FAM117B: variants seen among roughly 807,000 people sequenced by gnomAD.
FAM117B encodes the protein protein FAM117B.
FAM117B carries 22 observed loss-of-function variants against 52.8 expected under a neutral mutation model. That is an observed-to-expected ratio of 0.42 (90% confidence interval 0.30 to 0.59). FAM117B has a LOEUF of 0.59. FAM117B is among the 20% of genes least tolerant of loss of function. FAM117B has a pLI of 0.22. For missense variants in FAM117B, 678 were observed against 802.6 expected (o/e 0.84, Z 1.88); for synonymous variants, 309 against 324.1 (o/e 0.95, Z 0.50).
chr2:202,760,846 AT>A (rs1402446592), intron 7 of FAM117B, among the ~76,000 whole-genome samples: 1 of 152,146 alleles, frequency 6.6e-6, no homozygotes, highest in East Asian at 1.9e-4. Context: ...AAATGGGCTC[AT>A]TCTATTAGGT....
Position 202,751,443 on chromosome 2 carries a change from A to G in FAM117B, c.961-4095A>G, listed in dbSNP as rs570257146. Among the ~76,000 whole-genome samples, 5 of 152,320 alleles carry G rather than the reference A, an allele frequency of 3.3e-5. No homozygotes were observed. In the East Asian group the frequency reaches 9.7e-4, roughly 29 times the overall value. On this transcript the variant is annotated intron_variant, in intron 4 of 7. Coordinates refer to ENST00000392238, the MANE Select transcript of FAM117B (RefSeq NM_173511.4). ...CAAATGAACTAGACTAAGAGAATAGATCTATGGATATGGCTAAGATCTTCC... is the reference window on the plus strand; with the variant it reads ...CAAATGAACTAGACTAAGAGAATAGGTCTATGGATATGGCTAAGATCTTCC...
chr2:202,734,983 C>G (rs1691417073), intron 4 of FAM117B, among the ~76,000 whole-genome samples: 1 of 152,058 alleles, frequency 6.6e-6, no homozygotes, highest in African/African-American at 2.4e-5. Flanking sequence ...GTATCTTTCT[C>G]CCCTATTGCT....
chr2:202,746,942 C>T (rs572990949), intron 4 of FAM117B, among the ~76,000 whole-genome samples: 12 of 133,678 alleles, frequency 9.0e-5, no homozygotes, highest in Middle Eastern at 3.9e-3. Context: ...ACAACAGCCA[C>T]CACCGGAAAA....
intron 1 of FAM117B, among the ~76,000 whole-genome samples, chr2:202,645,349 C>T (rs192834912): frequency 0.018 from 2,702 of 146,520 alleles, 33 homozygotes; most frequent in Middle Eastern, 0.04. Context: ...AGTGCAGTGG[C>T]GAGATCTCGG....
intron 1 of FAM117B, among the ~76,000 whole-genome samples, chr2:202,648,688 T>A (rs1281109174): frequency 6.6e-6 from 1 of 152,082 alleles, no homozygotes; most frequent in Non-Finnish European, 1.5e-5. Context: ...TGATGCTAGG[T>A]TGAATATTCT....
At chr2:202,651,981 A>C (rs1689964672) in intron 1 of FAM117B, among the ~76,000 whole-genome samples, 1 of 145,534 alleles carries the variant, frequency 6.9e-6, no homozygotes, top group South Asian at 2.2e-4. Context: ...TGAACCTGGG[A>C]GGCAGGGTTT....
rs61124637 is a variant in FAM117B, at chr2:202,680,420, TTAAA to T, written c.602-15460_602-15457del. ...TGTACCCTAAAACTTAAAGTATAAT[TTAAA>T]AAAGTCTGAAGAAATAATGACTGAA... On this transcript the variant is annotated intron_variant, in intron 1 of 7. Coordinates refer to ENST00000392238, the MANE Select transcript of FAM117B (RefSeq NM_173511.4). 4.8e-3 allele frequency among the ~76,000 whole-genome samples: 728 copies of T among 152,046 alleles called. 6 individuals carry two copies. Among genetic ancestry groups the T allele is most frequent in the African/African-American group, 0.017 (689 of 41,488 alleles).
Position 202,755,558 on chromosome 2 carries a change from A to G in FAM117B, c.981A>G (p.Ala327=). 1 of 1,614,102 alleles carries G rather than the reference A, an allele frequency of 6.2e-7. No individual in the cohort carries two copies. Among genetic ancestry groups the G allele is most frequent in the South Asian group, 1.1e-5 (1 of 91,068 alleles). Residue 327 remains alanine, a synonymous_variant, in exon 5 of 8, where the codon GCA becomes GCG. Transcript: ENST00000392238. ...NQCQAPVPKS[A]LIPVIPITKS... ...TTAAGGCTCCTGTTCCAAAGAGTGC[A>G]CTTATTCCTGTAATTCCCATCACCA...
intron 2 of FAM117B, 27 bp from the exon 3 acceptor site, chr2:202,724,890 T>C (rs1034299752): frequency 1.3e-6 from 2 of 1,542,384 alleles, no homozygotes; most frequent in Non-Finnish European, 8.8e-7. Context: ...TTTTGTTAAA[T>C]ACACCTCCCC....
At chr2:202,651,416 A>G (rs1419594187) in intron 1 of FAM117B, among the ~76,000 whole-genome samples, 6 of 148,716 alleles carry the variant, frequency 4.0e-5, no homozygotes. Context: ...CTTGTTGCCC[A>G]GGTTGGAGTG....
At chr2:202,728,246 C>G (rs1289802193) in intron 4 of FAM117B, among the ~76,000 whole-genome samples, 2 of 152,116 alleles carry the variant, frequency 1.3e-5, no homozygotes, top group African/African-American at 4.8e-5. Context: ...ACCTTAGCCT[C>G]TCAAAGTGTT....
chr2:202,688,750 G>A (rs897144100), intron 1 of FAM117B, among the ~76,000 whole-genome samples: 14 of 152,264 alleles, frequency 9.2e-5, no homozygotes, highest in Middle Eastern at 3.4e-3. Context: ...GGGTACCCTT[G>A]TGATGTTATA....
chr2:202,721,642 C>CT (rs1019530129), intron 2 of FAM117B, among the ~76,000 whole-genome samples: 12 of 150,736 alleles, frequency 8.0e-5, no homozygotes, highest in African/African-American at 2.2e-4. Context: ...GACATTATTC[C>CT]TTTTTTTTTG....
chr2:202,671,010 TTCTC>T (rs1381677724), intron 1 of FAM117B, among the ~76,000 whole-genome samples: 2 of 152,186 alleles, frequency 1.3e-5, no homozygotes, highest in African/African-American at 4.8e-5. Context: ...GTGTTGATCT[TTCTC>T]CTTATTTCTA....
In FAM117B at chr2:202,726,295, C is replaced by T. The variant is rs778395003; in HGVS notation, c.892C>T (p.Arg298Trp). Residue 298 changes from arginine to tryptophan, a missense_variant, in exon 4 of 8, where the codon CGG becomes TGG. By Grantham distance (101) the Arg-to-Trp change is moderately radical. This residue lies in a region of FAM117B where 583 missense variants were observed against 644.8 expected (regional missense o/e 0.90). Coordinates refer to ENST00000392238, the MANE Select transcript of FAM117B (RefSeq NM_173511.4). The stretch of plus-strand genomic sequence containing the variant: ...GTTGCAGAGAAGTAAACACAGCAGT[C>T]GGCATCATCGAGATAAAGAAAGACA... ...QQLQRSKHSS[R>W]HHRDKERQSP... The T allele has an allele frequency of 1.2e-6, 2 of 1,613,636 alleles. No individual in the cohort carries two copies. Among genetic ancestry groups the T allele is most frequent in the Non-Finnish European group, 8.5e-7 (1 of 1,179,902 alleles).
At chr2:202,673,170 G>A (rs1477368939) in intron 1 of FAM117B, among the ~76,000 whole-genome samples, 3 of 152,130 alleles carry the variant, frequency 2.0e-5, no homozygotes, top group Admixed American at 2.0e-4. Context: ...ATTTTTGGTT[G>A]CAAGTGAGTC....
intron 2 of FAM117B, among the ~76,000 whole-genome samples, chr2:202,696,799 C>T (rs1373921938): frequency 6.6e-6 from 1 of 152,206 alleles, no homozygotes; most frequent in African/African-American, 2.4e-5. Context: ...GGCGGGATGG[C>T]TTACGCCTAT....
intron 1 of FAM117B, among the ~76,000 whole-genome samples, chr2:202,695,491 A>ACT (rs1559104080): frequency 6.6e-6 from 1 of 152,104 alleles, no homozygotes; most frequent in Non-Finnish European, 1.5e-5. Flanking sequence ...AGCCCTCTCA[A>ACT]TCGTTGGATT....
At chr2:202,726,092 G>A (rs987306265) in intron 3 of FAM117B, among the ~76,000 whole-genome samples, 158 bp from the exon 4 acceptor site, 1 of 151,604 alleles carries the variant, frequency 6.6e-6, no homozygotes, top group African/African-American at 2.4e-5. Flanking sequence ...ATGTGTAGAT[G>A]TGTATAAAAT....
Sources: gnomAD v4.1 joint callset for allele counts (sites outside exome capture counted in the v4.1 genomes callset) on GRCh38, gnomAD v4.1.1 for gene constraint, gnomAD v4.1.1 regional missense constraint, MANE v1.5 for transcripts, NCBI Gene and HGNC (gene_info 2026-07-23, HGNC 2026-07-21) for gene names.